TUBGCP5: variants seen among roughly 807,000 people sequenced by gnomAD.
TUBGCP5 encodes the protein gamma-tubulin complex component 5.
A neutral mutation model predicts 134.7 loss-of-function variants in TUBGCP5; 98 were observed. That is an observed-to-expected ratio of 0.73 (90% CI 0.62 to 0.86). TUBGCP5 has a LOEUF of 0.86. Ranked by LOEUF, TUBGCP5 falls within the 40% of genes least tolerant of loss-of-function variation. The probability of loss-of-function intolerance (pLI) is 0.00; values close to 1 mark genes in which losing one functional copy is unlikely to be tolerated. For synonymous variants in TUBGCP5, 456 were observed against 431.4 expected (o/e 1.06, Z -0.71); for missense variants, 1,150 against 1,244.8 (o/e 0.92, Z 1.15).
chr15:23,025,111 A>G (rs2065915488), intron 8 of TUBGCP5, among the ~76,000 whole-genome samples: 1 of 152,118 alleles, frequency 6.6e-6, no homozygotes, highest in South Asian at 2.1e-4. Context: ...CATGTTGCCC[A>G]GGCTGGTCTC....
intron 10 of TUBGCP5, among the ~76,000 whole-genome samples, chr15:23,022,377 G>C (rs2065755256): frequency 1.3e-5 from 2 of 152,168 alleles, no homozygotes; most frequent in African/African-American, 4.8e-5. Flanking sequence ...AATGTATAAA[G>C]GAACTGACAG....
chr15:23,029,520 C>CT (rs1203997298), intron 6 of TUBGCP5, among the ~76,000 whole-genome samples: 2 of 152,126 alleles, frequency 1.3e-5, no homozygotes, highest in East Asian at 1.9e-4. Flanking sequence ...TGCACCTGGC[C>CT]TTTTTTTTCT....
At chr15:23,011,900 A>G (rs191765509) in intron 13 of TUBGCP5, among the ~76,000 whole-genome samples, 3,009 of 150,670 alleles carry the variant, frequency 0.02, 55 homozygotes, top group Non-Finnish European at 0.028. Flanking sequence ...TGGATCACTT[A>G]AGCTCAGGAG....
rs141949910 is a variant in TUBGCP5 at position 22,991,976 on chromosome 15, G to A, written c.*61+4869C>T. 8.8e-4 allele frequency among the ~76,000 whole-genome samples: 134 copies of A among 152,220 alleles called. 2 individuals carry two copies. The highest frequency in any genetic ancestry group is 5.4e-3 in the East Asian group (28 of 5,176). On this transcript the variant is annotated intron_variant and NMD_transcript_variant, in intron 23 of 23. Coordinates refer to the TUBGCP5 transcript ENST00000614508. ...CACCGTCTGGTCCACATTAGGTACC[G>A]GACAGCAAAGGAGGCAGTTCATCTA...
intron 16 of TUBGCP5, among the ~76,000 whole-genome samples, chr15:23,007,708 A>G (rs1319441879): frequency 6.6e-6 from 1 of 152,204 alleles, no homozygotes; most frequent in Non-Finnish European, 1.5e-5. Context: ...CATGGTGTGT[A>G]TGTGTGCAAG....
At chr15:23,014,305 A>G (rs116995654) in intron 13 of TUBGCP5, among the ~76,000 whole-genome samples, 4,271 of 152,300 alleles carry the variant, frequency 0.028, 84 homozygotes, top group Non-Finnish European at 0.042. Context: ...CCTGGCAGGC[A>G]TGTACCTAGG....
At chr15:23,035,048 C>T (rs2066507266) in intron 3 of TUBGCP5, among the ~76,000 whole-genome samples, 1 of 152,032 alleles carries the variant, frequency 6.6e-6, no homozygotes, top group Non-Finnish European at 1.5e-5. Flanking sequence ...AATAAAGAAG[C>T]TCGGCATGGT....
At chr15:22,983,769 C>T (rs1340209715) in intron 23 of TUBGCP5, among the ~76,000 whole-genome samples, 6 of 152,102 alleles carry the variant, frequency 3.9e-5, no homozygotes, top group African/African-American at 1.4e-4. Context: ...CTCTGAGTTC[C>T]AGTTACTCAT....
intron 11 of TUBGCP5, among the ~76,000 whole-genome samples, chr15:23,020,584 CAAAAAAAAAAAA>C (rs542905350): frequency 9.2e-5 from 7 of 76,242 alleles, no homozygotes; most frequent in East Asian, 3.1e-4. Flanking sequence ...GACTACGTCT[CAAAAAAAAAAAA>C]AAAAAAAAAA....
In TUBGCP5 at chr15:23,021,980, A is replaced by T; in HGVS notation, c.1350T>A (p.Val450=). Reference sequence around the variant, plus strand: ...TTACGGTTTGCTCAGAGGCTTCTCCAACATTGTCATATTCAAGAATGGCCT... The same window carrying T: ...TTACGGTTTGCTCAGAGGCTTCTCCTACATTGTCATATTCAAGAATGGCCT... The part of the protein sequence containing the change: ...LYKAILEYDN[V]GEASEQTVSL... The change falls in exon 11 of 23, where the codon GTT becomes GTA. Residue 450 remains valine, a synonymous_variant. Transcript: ENST00000615383. The T allele has an allele frequency of 1.2e-6, 2 of 1,614,204 alleles. No individual in the cohort carries two copies. Among genetic ancestry groups the T allele is most frequent in the Non-Finnish European group, 1.7e-6 (2 of 1,180,030 alleles).
In TUBGCP5 at chr15:22,999,295, C is replaced by T. The variant is rs2064237240; in HGVS notation, c.*525G>A. 2.0e-5 allele frequency: 3 copies of T among 152,546 alleles called. No individual in the cohort carries two copies. Among genetic ancestry groups the T allele is most frequent in the Non-Finnish European group, 2.9e-5 (2 of 68,322 alleles). 9.4% of individuals were successfully genotyped at this position (152,546 alleles called of 1,614,324 possible). A position where few individuals can be genotyped will look rare whatever the true frequency, so the allele number is the denominator to read the frequency against. On this transcript the variant is annotated 3_prime_UTR_variant, in exon 23 of 23. Coordinates refer to ENST00000615383, the MANE Select transcript of TUBGCP5 (RefSeq NM_052903.6). ...TTACAGTAGGAAATGTAAGAGTAAA[C>T]AGCCTATATACACTTTGTACTACTG...
chr15:22,998,685 G>A (rs559290419), downstream of TUBGCP5, among the ~76,000 whole-genome samples: 1 of 151,938 alleles, frequency 6.6e-6, no homozygotes, highest in East Asian at 1.9e-4. Flanking sequence ...TACAATCTAG[G>A]CTCACCGCAA....
intron 11 of TUBGCP5, among the ~76,000 whole-genome samples, chr15:23,019,832 C>T (rs572322180): frequency 6.6e-6 from 1 of 152,070 alleles, no homozygotes; most frequent in South Asian, 2.1e-4. Flanking sequence ...GAAAAACTCA[C>T]CTAAATATGG....
At chr15:23,009,021 C>T (rs2064880191) in intron 15 of TUBGCP5, 140 bp from the exon 16 acceptor site, 2 of 597,854 alleles carry the variant, frequency 3.3e-6, no homozygotes, top group Admixed American at 7.7e-5. Flanking sequence ...ATATTAACAC[C>T]TCTTAAACTT....
At chr15:23,021,904 C>G (rs2065718645) in intron 11 of TUBGCP5, 55 bp downstream of exon 11, 1 of 1,532,930 alleles carries the variant, frequency 6.5e-7, no homozygotes, top group Non-Finnish European at 9.0e-7. Flanking sequence ...AGCTGTCTAT[C>G]ACTCCTCTGC....
chr15:22,992,479 T>C (rs1030460718), intron 23 of TUBGCP5, among the ~76,000 whole-genome samples: 3 of 152,082 alleles, frequency 2.0e-5, no homozygotes, highest in East Asian at 1.9e-4. Context: ...AATATATATA[T>C]ACACACATAT....
Position 23,018,043 on chromosome 15 carries a change from TA to T in TUBGCP5, c.1488-3del, listed in dbSNP as rs769762373. 3.1e-6 allele frequency: 5 copies of T among 1,599,558 alleles called. No individual in the cohort carries two copies. Among genetic ancestry groups the T allele is most frequent in the Non-Finnish European group, 4.3e-6 (5 of 1,172,358 alleles). Reference sequence around the variant, plus strand: ...TGATTAACTGGAACATTTTTGTTTCTAAAGAGATTCAAAAGAATTTTAAACT... The same window carrying T: ...TGATTAACTGGAACATTTTTGTTTCTAAGAGATTCAAAAGAATTTTAAACT... On this transcript the variant is annotated splice_polypyrimidine_tract_variant and splice_region_variant and intron_variant, in intron 12 of 22. Coordinates refer to ENST00000615383, the MANE Select transcript of TUBGCP5 (RefSeq NM_052903.6).
intron 13 of TUBGCP5, among the ~76,000 whole-genome samples, chr15:23,016,980 A>ATATG (rs2065369301): frequency 6.9e-6 from 1 of 144,736 alleles, no homozygotes; most frequent in African/African-American, 2.6e-5. Context: ...ATATATATAT[A>ATATG]TATATATGTA....
At position 23,000,603 on chromosome 15, in the gene TUBGCP5, T is replaced by C. The variant is rs759735508; in HGVS notation, c.2994A>G (p.Leu998=). ...AGGATCCTCTACAGACGGCTTTGTT[T>C]AAAATGGTTACAAGAAACATATGGC... ...KNCHMFLVTI[L]NKAVCRGSFP... is the part of the protein sequence containing the mutation. The change falls in exon 22 of 23, where the codon TTA becomes TTG. Residue 998 remains leucine, a synonymous_variant. Coordinates refer to ENST00000615383, the MANE Select transcript of TUBGCP5 (RefSeq NM_052903.6). The C allele has an allele frequency of 1.2e-6, 2 of 1,611,692 alleles. No homozygotes were observed. The highest frequency in any genetic ancestry group is 2.2e-5 in the South Asian group (2 of 90,820).
Sources: allele counts gnomAD v4.1 joint callset (sites outside exome capture counted in the v4.1 genomes callset), GRCh38; gene constraint gnomAD v4.1.1; transcripts MANE v1.5; gene names NCBI Gene and HGNC (gene_info 2026-07-23, HGNC 2026-07-21).